ZDHHC15: variants seen among roughly 807,000 people sequenced by gnomAD.
The protein encoded by ZDHHC15 is palmitoyltransferase ZDHHC15.
A neutral mutation model predicts 31.7 loss-of-function variants in ZDHHC15; 19 were observed. The observed-to-expected ratio is 0.60, with a 90% CI of 0.42 to 0.88. The LOEUF is 0.88. Ranked by LOEUF, ZDHHC15 falls within the 40% of genes least tolerant of loss-of-function variation. ZDHHC15 has a pLI of 0.00. For missense variants in ZDHHC15, 209 were observed against 251.2 expected, an observed-to-expected ratio of 0.83 and a Z score of 1.14; for synonymous variants, 103 against 90.0, an observed-to-expected ratio of 1.14 and a Z score of -0.82.
chrX:75,429,954 C>T lies in ZDHHC15; in HGVS notation c.476G>A (p.Cys159Tyr). 8.3e-7 allele frequency: 1 copy of T among 1,208,984 alleles called. No individual in the cohort carries two copies. Among genetic ancestry groups the T allele is most frequent in the Non-Finnish European group, 1.1e-6 (1 of 894,114 alleles). The change falls in exon 6 of 12, where the codon TGC becomes TAC. Residue 159 changes from cysteine (C) to tyrosine (Y), a missense_variant. Transcript: ENST00000373367. ...ATGAATCAAACAGACATACCAAGGG[C>T]AGTGATGATCCATTTTTAACACACA... ...AMCVLKMDHH[C>Y]PWVNNCIGFS...
At chrX:75,450,774 C>A (rs369335580) in intron 4 of ZDHHC15, 28 bp downstream of exon 4, 5 of 1,210,254 alleles carry the variant, frequency 4.1e-6, no homozygotes, top group Non-Finnish European at 3.4e-6. Context: ...GCTGAGCTGC[C>A]TCTCTAGCTG....
intron 4 of ZDHHC15, among the ~76,000 whole-genome samples, chrX:75,436,856 G>T (rs1394576339): frequency 8.9e-6 from 1 of 112,400 alleles, no homozygotes; most frequent in Non-Finnish European, 1.9e-5. Context: ...TGTTTTGTTT[G>T]TTTTATTTTT....
chrX:75,416,107 T>G (rs1458309194), intron 10 of ZDHHC15, among the ~76,000 whole-genome samples: 1 of 112,094 alleles, frequency 8.9e-6, no homozygotes, highest in Non-Finnish European at 1.9e-5. Context: ...TTCTTTGGGA[T>G]GGACAATAAC....
At chrX:75,398,954 G>A (rs1042234428) in intron 10 of ZDHHC15, among the ~76,000 whole-genome samples, 5 of 111,918 alleles carry the variant, frequency 4.5e-5, no homozygotes, top group Non-Finnish European at 9.4e-5. Context: ...ACTTCCTACA[G>A]GTGCCTTTGG....
At chrX:75,421,735 G>T in intron 9 of ZDHHC15, 129 bp downstream of exon 9, 2 of 695,681 alleles carry the variant, frequency 2.9e-6, no homozygotes, top group Non-Finnish European at 4.0e-6. Flanking sequence ...TATTAACCTA[G>T]AAATGAAGAA....
chrX:75,421,776 T>TA, intron 9 of ZDHHC15, 88 bp downstream of exon 9: 1 of 1,030,022 alleles, frequency 9.7e-7, no homozygotes, highest in Non-Finnish European at 1.3e-6. Flanking sequence ...ACTGGACTGA[T>TA]ACCTGCTGCA....
intron 2 of ZDHHC15, among the ~76,000 whole-genome samples, chrX:75,497,823 A>G (rs1213184994): frequency 9.0e-6 from 1 of 111,461 alleles, no homozygotes; most frequent in East Asian, 2.8e-4. Context: ...GAAGGGATAC[A>G]CCTTATGGCA....
chrX:75,490,245 C>G (rs1393016180), intron 2 of ZDHHC15, among the ~76,000 whole-genome samples: 2 of 111,208 alleles, frequency 1.8e-5, no homozygotes, highest in Non-Finnish European at 3.8e-5. Flanking sequence ...GAGAACGCCA[C>G]AAAGATACTC....
chrX:75,399,105 C>A (rs897325827), intron 10 of ZDHHC15, among the ~76,000 whole-genome samples: 1 of 111,461 alleles, frequency 9.0e-6, no homozygotes, highest in African/African-American at 3.3e-5. Flanking sequence ...GAGTAGGCCC[C>A]AAGCATACCA....
rs746361239 is a variant in ZDHHC15 at position 75,487,409 on chromosome X, G to A, written c.164-8424C>T. ...CTGGAGCCTGGTAGCCCCACTGGGA[G>A]GCTAGACTCAGAAGAACAATAAGAA... On this transcript the variant is annotated intron_variant, in intron 2 of 11. Transcript: ENST00000373367. 1.2e-4 allele frequency among the ~76,000 whole-genome samples: 13 copies of A among 111,883 alleles called. No individual in the cohort carries two copies. In the South Asian group the frequency reaches 4.6e-3, roughly 39 times the overall value.
chrX:75,476,951 T>C (rs912301408), intron 3 of ZDHHC15, among the ~76,000 whole-genome samples: 3 of 111,311 alleles, frequency 2.7e-5, no homozygotes, highest in African/African-American at 9.8e-5. Context: ...TATTTTATGG[T>C]TTTTTAAGAT....
rs1283076224 is a variant in ZDHHC15 at position 75,444,285 on chromosome X, G to T, written c.379+6517C>A. On this transcript the variant is annotated intron_variant, in intron 4 of 11. Coordinates refer to ENST00000373367, the MANE Select transcript of ZDHHC15 (RefSeq NM_144969.3). ...CATATACACCATGGAATACTATGCAGCCATAAAAAAGGATGAGTTCATGTC... is the reference window on the plus strand; with the variant it reads ...CATATACACCATGGAATACTATGCATCCATAAAAAAGGATGAGTTCATGTC... 8.2e-5 allele frequency among the ~76,000 whole-genome samples: 9 copies of T among 109,517 alleles called. No individual in the cohort carries two copies. In the South Asian group the frequency reaches 2.8e-3, roughly 35 times the overall value.
At chrX:75,447,528 T>C (rs2084050780) in intron 4 of ZDHHC15, among the ~76,000 whole-genome samples, 1 of 111,772 alleles carries the variant, frequency 8.9e-6, no homozygotes, top group Non-Finnish European at 1.9e-5. Context: ...ACATGGTCTT[T>C]TGAAGTGTCA....
At position 75,428,069 on chromosome X, in the gene ZDHHC15, C is replaced by T. The variant is rs147601280; in HGVS notation, c.603+1009G>A. On this transcript the variant is annotated intron_variant, in intron 7 of 11. Transcript: ENST00000373367. ...TCACTGAATTCATGTTCTTTCTCTA[C>T]GGCTTTATGTCTCCATTTGAGGTGA... Among the ~76,000 whole-genome samples the T allele has an allele frequency of 3.1e-3, 340 of 111,125 alleles. 1 individual carries two copies. The highest frequency in any genetic ancestry group is 9.8e-3 in the African/African-American group (301 of 30,625).
At chrX:75,416,309 C>T (rs765260089) in intron 10 of ZDHHC15, among the ~76,000 whole-genome samples, 2 of 111,955 alleles carry the variant, frequency 1.8e-5, no homozygotes, top group African/African-American at 6.5e-5. Flanking sequence ...GCCTCCTTCA[C>T]CCCAGGTACA....
chrX:75,387,858 T>C (rs1229658836), intron 10 of ZDHHC15, among the ~76,000 whole-genome samples: 1 of 111,988 alleles, frequency 8.9e-6, no homozygotes, highest in African/African-American at 3.2e-5. Context: ...AGGCACATAA[T>C]AGTCAAACTA....
intron 4 of ZDHHC15, among the ~76,000 whole-genome samples, chrX:75,437,083 G>T (rs1440308165): frequency 1.8e-5 from 2 of 109,749 alleles, no homozygotes; most frequent in African/African-American, 6.6e-5. Flanking sequence ...GGGTTTCACC[G>T]TGTTAGCCAG....
At chrX:75,445,168 G>T (rs2084016213) in intron 4 of ZDHHC15, among the ~76,000 whole-genome samples, 1 of 110,971 alleles carries the variant, frequency 9.0e-6, no homozygotes, top group African/African-American at 3.3e-5. Flanking sequence ...ATACCTCATT[G>T]TTCTTTCTCT....
At chrX:75,470,489 C>A (rs1392421423) in intron 3 of ZDHHC15, among the ~76,000 whole-genome samples, 2 of 111,404 alleles carry the variant, frequency 1.8e-5, no homozygotes, top group African/African-American at 6.5e-5. Flanking sequence ...ATCTTTCTCC[C>A]ATCCTTCCCC....
Sources: allele counts gnomAD v4.1 joint callset (sites outside exome capture counted in the v4.1 genomes callset), GRCh38; gene constraint gnomAD v4.1.1; transcripts MANE v1.5; gene names NCBI Gene and HGNC (gene_info 2026-07-23, HGNC 2026-07-21).